The following TINAGL1 variants were observed in gnomAD, a reference collection of about 807,000 sequenced individuals.
TINAGL1 encodes the protein tubulointerstitial nephritis antigen-like.
Under a neutral mutation model 62.0 loss-of-function variants are expected in TINAGL1, and 34 were observed. The ratio of observed to expected loss-of-function variants is 0.55; its 90% CI spans 0.42 to 0.73. The LOEUF (loss-of-function observed/expected upper bound fraction) is 0.73, where lower values mean the gene tolerates loss of function less well. Ranked by LOEUF, TINAGL1 falls within the 30% of genes least tolerant of loss-of-function variation. The pLI, the probability that TINAGL1 is intolerant of heterozygous loss-of-function variation, is 0.00. For missense variants in TINAGL1, 516 were observed against 653.2 expected (o/e 0.79, Z 2.29); for synonymous variants, 221 against 249.7 (o/e 0.88, Z 1.08).
At position 31,577,147 on chromosome 1, in the gene TINAGL1, C is replaced by T. The variant is rs1265100484; in HGVS notation, c.-2C>T. ...TCTGCCCCCCAGGGCCCAGGAGCCA[C>T]CATGTGGCGATGTCCACTGGGGCTA... On this transcript the variant is annotated 5_prime_UTR_variant, in exon 2 of 12. Transcript: ENST00000271064. This position sits in a 1 kb window ranked among gnomAD's most constrained non-coding sequence, Gnocchi z 5.4. 1 of 1,516,724 alleles carries T rather than the reference C, an allele frequency of 6.6e-7. No individual in the cohort carries two copies. Among genetic ancestry groups the T allele is most frequent in the Non-Finnish European group, 8.8e-7 (1 of 1,136,378 alleles). 94.0% of individuals were successfully genotyped at this position (1,516,724 alleles called of 1,614,324 possible). A position where few individuals can be genotyped will look rare whatever the true frequency, so the allele number is the denominator to read the frequency against.
Position 31,584,165 on chromosome 1 carries a change from C to T in TINAGL1, c.583-513C>T, listed in dbSNP as rs558831508. On this transcript the variant is annotated intron_variant, in intron 5 of 11. Coordinates refer to ENST00000271064, the MANE Select transcript of TINAGL1 (RefSeq NM_022164.3). The surrounding 1 kb of genome is among the most constrained non-coding windows in gnomAD (Gnocchi z 4.0). ...GGGCTGGCAGGAGTGGCCCTCCCTG[C>T]GGAGACTTCGGCCTTGGGTGACCAG... 1.8e-5 allele frequency: 3 copies of T among 169,204 alleles called. No individual in the cohort carries two copies. Among genetic ancestry groups the T allele is most frequent in the South Asian group, 1.5e-4 (1 of 6,638 alleles). 10.5% of individuals were successfully genotyped at this position (169,204 alleles called of 1,614,324 possible). A position where few individuals can be genotyped will look rare whatever the true frequency, so the allele number is the denominator to read the frequency against.
intron 3 of TINAGL1, chr1:31,580,904 G>A: frequency 1.9e-6 from 1 of 517,258 alleles, no homozygotes; most frequent in Non-Finnish European, 2.5e-6. Flanking sequence ...GGCATGGGAA[G>A]ACAACAAATG....
rs376940276 is a variant in TINAGL1 at position 31,586,986 on chromosome 1, G to A, written c.*7G>A. 1.1e-5 allele frequency: 16 copies of A among 1,475,536 alleles called. No homozygotes were observed. Among genetic ancestry groups the A allele is most frequent in the African/African-American group, 1.0e-4 (7 of 70,288 alleles). 91.4% of individuals were successfully genotyped at this position (1,475,536 alleles called of 1,614,324 possible). A position where few individuals can be genotyped will look rare whatever the true frequency, so the allele number is the denominator to read the frequency against. On this transcript the variant is annotated 3_prime_UTR_variant, in exon 12 of 12. Coordinates refer to ENST00000271064, the MANE Select transcript of TINAGL1 (RefSeq NM_022164.3). ...GGACATGGGTCATCACTGAGGCTGC[G>A]GGCACCACGCGGGGTCCGGCCTGGG... is the stretch of plus-strand genomic sequence containing the variant.
At chr1:31,578,876 T>TA (rs1639105107) in intron 2 of TINAGL1, among the ~76,000 whole-genome samples, 1 of 3,644 alleles carries the variant, frequency 2.7e-4, no homozygotes, top group South Asian at 0.018. Context: ...CAGTGAGAGC[T>TA]GGTGTGTGTG....
chr1:31,586,629 G>T (rs1639398195), intron 10 of TINAGL1, 81 bp from the exon 11 acceptor site: 3 of 1,527,686 alleles, frequency 2.0e-6, no homozygotes, highest in Non-Finnish European at 8.9e-7. Flanking sequence ...ACTGGGGGCT[G>T]GATGGGGCAG....
intron 3 of TINAGL1, among the ~76,000 whole-genome samples, chr1:31,582,540 A>C (rs1295553038): frequency 6.6e-6 from 1 of 152,018 alleles, no homozygotes; most frequent in Non-Finnish European, 1.5e-5. Flanking sequence ...ACATGATATG[A>C]CTTAGGTTTA....
rs1638989150 is a variant in TINAGL1 at position 31,577,110 on chromosome 1, C to T, written c.-15-24C>T. 6.2e-6 allele frequency: 9 copies of T among 1,445,390 alleles called. No individual in the cohort carries two copies. The highest frequency in any genetic ancestry group is 2.6e-4 in the Middle Eastern group (1 of 3,912). The allele number at this position is 1,445,390 out of a possible 1,614,324, so 89.5% of individuals were successfully genotyped here. A position where few individuals can be genotyped will look rare whatever the true frequency, so the allele number is the denominator to read the frequency against. On this transcript the variant is annotated intron_variant, in intron 1 of 11. Transcript: ENST00000271064. The surrounding 1 kb of genome is among the most constrained non-coding windows in gnomAD (Gnocchi z 5.4). ...TCCCTGGTGTTCCAGGGAGTCTCTG[C>T]TGCCCACCATCTCTGCCCCCCAGGG...
chr1:31,578,999 GGTGT>G lies in TINAGL1; in HGVS notation c.311-183_311-180del, dbSNP rs371018954. ...TTATAGTTTAATTTTAGTGACAGCT[GGTGT>G]GTGTGTGTGTGTGTGTGTGTGATGT... is the stretch of plus-strand genomic sequence containing the variant. On this transcript the variant is annotated intron_variant, in intron 2 of 11. Coordinates refer to ENST00000271064, the MANE Select transcript of TINAGL1 (RefSeq NM_022164.3). Among the ~76,000 whole-genome samples the G allele has an allele frequency of 1.6e-4, 15 of 96,646 alleles. 4 individuals carry two copies. Among genetic ancestry groups the G allele is most frequent in the African/African-American group, 5.4e-4 (15 of 27,722 alleles). 63.4% of individuals were successfully genotyped at this position (96,646 alleles called of 152,430 possible). A position where few individuals can be genotyped will look rare whatever the true frequency, so the allele number is the denominator to read the frequency against.
At chr1:31,580,799 A>T in intron 3 of TINAGL1, 1 of 1,199,422 alleles carries the variant, frequency 8.3e-7, no homozygotes, top group African/African-American at 1.6e-5. Flanking sequence ...CTATTATTAA[A>T]GACCTACTGC....
chr1:31,583,109 G>A lies in TINAGL1; in HGVS notation c.375-40G>A. The stretch of plus-strand genomic sequence containing the variant: ...GCCACATTCCTTCAAAGTATCCCCA[G>A]TCCCCCACTTACCCTTTCCTTCTCT... On this transcript the variant is annotated intron_variant, in intron 3 of 11. Coordinates refer to ENST00000271064, the MANE Select transcript of TINAGL1 (RefSeq NM_022164.3). This position sits in a 1 kb window ranked among gnomAD's most constrained non-coding sequence, Gnocchi z 4.4. 2 of 1,587,410 alleles carry A rather than the reference G, an allele frequency of 1.3e-6. No homozygotes were observed. Among genetic ancestry groups the A allele is most frequent in the Non-Finnish European group, 1.7e-6 (2 of 1,155,920 alleles).
In TINAGL1 at chr1:31,585,759, T is replaced by TGGA. The variant is rs1380780691; in HGVS notation, c.1103_1105dup (p.Glu368dup). On this transcript the variant is annotated inframe_insertion, in exon 10 of 12. Coordinates refer to ENST00000271064, the MANE Select transcript of TINAGL1 (RefSeq NM_022164.3). The surrounding 1 kb of genome is among the most constrained non-coding windows in gnomAD (Gnocchi z 4.3). ...CCTTGACATCTGCCCACAGCCCTCA[T>TGGA]GGAGGTGCATGAGGACTTCTTCCTA... 1 of 1,613,262 alleles carries TGGA rather than the reference T, an allele frequency of 6.2e-7. No individual in the cohort carries two copies. The highest frequency in any genetic ancestry group is 2.2e-5 in the East Asian group (1 of 44,870).
intron 3 of TINAGL1, among the ~76,000 whole-genome samples, chr1:31,582,449 G>A (rs1474980155): frequency 1.3e-5 from 2 of 152,194 alleles, no homozygotes; most frequent in African/African-American, 4.8e-5. Context: ...GGAGGACAGA[G>A]CGTGCAGGGC....
chr1:31,584,993 G>C lies in TINAGL1; in HGVS notation c.814G>C (p.Gly272Arg), dbSNP rs755929612. The change falls in exon 7 of 12, where the codon GGT becomes CGT. Residue 272 changes from glycine to arginine, a missense_variant. Transcript: ENST00000271064. The surrounding 1 kb of genome is among the most constrained non-coding windows in gnomAD (Gnocchi z 4.0). ...CACCCACCAGCAGCAGGGCTGCCGC[G>C]GTGGGCGTCTCGATGGTGCCTGGTG... ...CDTHQQQGCRGGRLDGAWWFL... is the reference protein window; with the variant it reads ...CDTHQQQGCRRGRLDGAWWFL... The C allele has an allele frequency of 5.0e-6, 8 of 1,610,850 alleles. No individual in the cohort carries two copies. The Admixed American group carries it at 1.3e-4, about 27-fold the overall frequency.
chr1:31,587,025 G>T lies in TINAGL1; in HGVS notation c.*46G>T, dbSNP rs202097907. 973 of 1,407,540 alleles carry T rather than the reference G, an allele frequency of 6.9e-4. 5 individuals are homozygous for T. The highest frequency in any genetic ancestry group is 5.0e-3 in the African/African-American group (338 of 67,452). The allele number at this position is 1,407,540 out of a possible 1,614,324, so 87.2% of individuals were successfully genotyped here. ...GTCCGGCCTGGGATCCAGGCTAAGG[G>T]CCGGCGGAAGAGGCCCCAATGGGGC... On this transcript the variant is annotated 3_prime_UTR_variant, in exon 12 of 12. Coordinates refer to ENST00000271064, the MANE Select transcript of TINAGL1 (RefSeq NM_022164.3).
In TINAGL1 at chr1:31,585,607, C is replaced by T. The variant is rs1483356296; in HGVS notation, c.1093+122C>T. On this transcript the variant is annotated intron_variant, in intron 9 of 11. Transcript: ENST00000271064. This position sits in a 1 kb window ranked among gnomAD's most constrained non-coding sequence, Gnocchi z 4.3. ...GTCCAGTAGGGCCAGGAGTAGGGGT[C>T]CCCCCCTCCCACAGGCAGCACCTGG... 10 of 1,519,834 alleles carry T rather than the reference C, an allele frequency of 6.6e-6. No individual in the cohort carries two copies. The highest frequency in any genetic ancestry group is 8.9e-6 in the Non-Finnish European group (10 of 1,123,664). The allele number at this position is 1,519,834 out of a possible 1,614,324, so 94.1% of individuals were successfully genotyped here.
In TINAGL1 at chr1:31,579,270, G is replaced by T; in HGVS notation, c.374+3G>T. ...TACTGGGACAACTGTAACCGTTGGT[G>T]AGTGTTTGGAGCTTAGAGGGGTCTT... On this transcript the variant is annotated splice_donor_region_variant and intron_variant, in intron 3 of 11. Transcript: ENST00000271064. 6.2e-7 allele frequency: 1 copy of T among 1,613,930 alleles called. No homozygotes were observed. The highest frequency in any genetic ancestry group is 1.1e-5 in the South Asian group (1 of 91,064).
chr1:31,580,123 G>T (rs534519946), intron 3 of TINAGL1, among the ~76,000 whole-genome samples: 9 of 147,592 alleles, frequency 6.1e-5, no homozygotes, highest in Admixed American at 5.4e-4. Flanking sequence ...GCGTCTGCAG[G>T]TTCTGATAGG....
At chr1:31,581,406 G>C (rs113985517) in intron 3 of TINAGL1, among the ~76,000 whole-genome samples, 5 of 152,094 alleles carry the variant, frequency 3.3e-5, no homozygotes, top group African/African-American at 1.2e-4. Context: ...GCGAGAGGTA[G>C]GTGGATTCCT....
chr1:31,586,203 G>T (rs1227997075), intron 10 of TINAGL1: 2 of 313,060 alleles, frequency 6.4e-6, no homozygotes, highest in Non-Finnish European at 1.2e-5. Flanking sequence ...GACCTGGGAG[G>T]TCGCTCCCCT....
Sources: gnomAD v4.1 joint callset for allele counts (sites outside exome capture counted in the v4.1 genomes callset) on GRCh38, gnomAD v4.1.1 for gene constraint, Gnocchi (gnomAD v3.1) non-coding constraint, MANE v1.5 for transcripts, NCBI Gene and HGNC (gene_info 2026-07-23, HGNC 2026-07-21) for gene names.